The following CCDC148 variants were observed in gnomAD, a reference collection of about 807,000 sequenced individuals.
CCDC148 encodes the protein coiled-coil domain-containing protein 148.
CCDC148 carries 89 observed loss-of-function variants against 85.7 expected under a neutral mutation model. The observed-to-expected ratio is 1.04, with a 90% CI of 0.87 to 1.24. CCDC148 has a LOEUF of 1.24. CCDC148 is among the 50% of genes most tolerant of loss of function. The probability of loss-of-function intolerance (pLI) is 0.00; values close to 1 mark genes in which losing one functional copy is unlikely to be tolerated. For missense variants in CCDC148, 692 were observed against 671.7 expected, an observed-to-expected ratio of 1.03 and a Z score of -0.33; for synonymous variants, 230 against 213.9, an observed-to-expected ratio of 1.08 and a Z score of -0.66.
intron 1 of CCDC148, among the ~76,000 whole-genome samples, chr2:158,382,439 G>C (rs983336793): frequency 5.3e-5 from 8 of 152,080 alleles, no homozygotes; most frequent in African/African-American, 1.9e-4. Context: ...TTCTAGTCCT[G>C]TCCAATGGGA....
At chr2:158,268,389 G>C (rs749043066) in intron 9 of CCDC148, among the ~76,000 whole-genome samples, 32 of 152,000 alleles carry the variant, frequency 2.1e-4, no homozygotes, top group Non-Finnish European at 3.8e-4. Context: ...TTTATTAGCT[G>C]ATAAATCAAA....
intron 11 of CCDC148, among the ~76,000 whole-genome samples, chr2:158,179,357 C>T (rs1684768041): frequency 6.6e-6 from 1 of 151,770 alleles, no homozygotes; most frequent in Non-Finnish European, 1.5e-5. Flanking sequence ...CGGAGTTTCA[C>T]CATGTTGGCC....
chr2:158,297,065 A>G (rs2105195109), intron 9 of CCDC148, among the ~76,000 whole-genome samples: 1 of 152,306 alleles, frequency 6.6e-6, no homozygotes, highest in African/African-American at 2.4e-5. Context: ...ATTCATCACT[A>G]GCACTGATTA....
chr2:158,323,729 C>CT (rs1692625890), intron 7 of CCDC148, among the ~76,000 whole-genome samples: 1 of 152,012 alleles, frequency 6.6e-6, no homozygotes, highest in Non-Finnish European at 1.5e-5. Flanking sequence ...TAAAACAGAG[C>CT]TTTTAAGATG....
chr2:158,275,919 T>C (rs1689920407), intron 9 of CCDC148, among the ~76,000 whole-genome samples: 1 of 152,102 alleles, frequency 6.6e-6, no homozygotes, highest in Non-Finnish European at 1.5e-5. Context: ...TGAACATCTA[T>C]TCACTTTAAA....
chr2:158,325,990 AGTCTGATTTT>A (rs1356997361), intron 7 of CCDC148, among the ~76,000 whole-genome samples: 1 of 152,104 alleles, frequency 6.6e-6, no homozygotes, highest in Non-Finnish European at 1.5e-5. Context: ...GCTAAACATA[AGTCTGATTTT>A]GTCACTCTGC....
At chr2:158,278,730 T>G (rs557497414) in intron 9 of CCDC148, among the ~76,000 whole-genome samples, 1 of 152,362 alleles carries the variant, frequency 6.6e-6, no homozygotes, top group African/African-American at 2.4e-5. Context: ...AGCAGTAACC[T>G]CTGCAGAATT....
chr2:158,290,958 C>T (rs1436253370), intron 9 of CCDC148, among the ~76,000 whole-genome samples: 2 of 152,042 alleles, frequency 1.3e-5, no homozygotes, highest in African/African-American at 4.8e-5. Flanking sequence ...TATCCCTCTA[C>T]TCCTTTATCT....
intron 9 of CCDC148, among the ~76,000 whole-genome samples, chr2:158,273,576 G>A (rs2105164971): frequency 6.6e-6 from 1 of 152,220 alleles, no homozygotes; most frequent in South Asian, 2.1e-4. Flanking sequence ...TGCTCTTACA[G>A]AAGCTCTCTT....
At chr2:158,305,689 G>A (rs761010962) in intron 9 of CCDC148, among the ~76,000 whole-genome samples, 1 of 150,186 alleles carries the variant, frequency 6.7e-6, no homozygotes, top group Non-Finnish European at 1.5e-5. Flanking sequence ...GGGACATCTG[G>A]GCTGCAATGA....
At chr2:158,282,851 A>G (rs930769769) in intron 9 of CCDC148, among the ~76,000 whole-genome samples, 1 of 152,240 alleles carries the variant, frequency 6.6e-6, no homozygotes, top group African/African-American at 2.4e-5. Flanking sequence ...ACAAAGCTGG[A>G]GGCGTCACGC....
intron 7 of CCDC148, among the ~76,000 whole-genome samples, chr2:158,315,317 G>T (rs1403067762): frequency 6.6e-6 from 1 of 152,088 alleles, no homozygotes; most frequent in Non-Finnish European, 1.5e-5. Flanking sequence ...AACATCTCAG[G>T]TCCTCTCTCA....
intron 11 of CCDC148, among the ~76,000 whole-genome samples, chr2:158,197,311 T>G (rs902334078): frequency 9.9e-5 from 15 of 152,076 alleles, no homozygotes; most frequent in Non-Finnish European, 2.9e-5. Flanking sequence ...GAAGCTGAAT[T>G]TGAAGGTAGA....
At chr2:158,244,608 T>C (rs1688493261) in intron 10 of CCDC148, among the ~76,000 whole-genome samples, 1 of 152,124 alleles carries the variant, frequency 6.6e-6, no homozygotes, top group Non-Finnish European at 1.5e-5. Context: ...CTATCAATGG[T>C]GGTCACATCC....
Position 158,402,374 on chromosome 2 carries a change from T to C in CCDC148, c.26-43804A>G, listed in dbSNP as rs561046752. ...TTCCTTATATGATTAAGGAAGTTTG[T>C]GTTGCTTGTTCTTTGTTCGTAATGC... is the stretch of plus-strand genomic sequence containing the variant. On this transcript the variant is annotated intron_variant, in intron 1 of 13. Transcript: ENST00000283233. Among the ~76,000 whole-genome samples, 14 of 151,900 alleles carry C rather than the reference T, an allele frequency of 9.2e-5. No homozygotes were observed. In the East Asian group the frequency reaches 1.4e-3, roughly 15 times the overall value.
At chr2:158,453,835 T>C (rs1419831244) in intron 1 of CCDC148, among the ~76,000 whole-genome samples, 5 of 152,210 alleles carry the variant, frequency 3.3e-5, no homozygotes, top group Non-Finnish European at 7.3e-5. Context: ...TTCTTGAGGG[T>C]GGAGTCACCA....
intron 11 of CCDC148, among the ~76,000 whole-genome samples, chr2:158,205,512 T>C (rs1216491161): frequency 7.1e-6 from 1 of 140,094 alleles, no homozygotes; most frequent in Non-Finnish European, 1.6e-5. Flanking sequence ...CCGGGTGCTT[T>C]ATATACATCA....
chr2:158,326,210 T>C (rs559448827), intron 7 of CCDC148, among the ~76,000 whole-genome samples: 6 of 152,278 alleles, frequency 3.9e-5, no homozygotes, highest in South Asian at 2.1e-4. Context: ...TCAGTAAACA[T>C]TGACTGGAAT....
intron 2 of CCDC148, among the ~76,000 whole-genome samples, chr2:158,351,506 C>A (rs367868559): frequency 6.6e-6 from 1 of 152,024 alleles, no homozygotes; most frequent in Admixed American, 6.5e-5. Context: ...CTGAATACTG[C>A]GCTTTTCCGA....
Sources: gnomAD v4.1 joint callset for allele counts (sites outside exome capture counted in the v4.1 genomes callset) on GRCh38, gnomAD v4.1.1 for gene constraint, MANE v1.5 for transcripts, NCBI Gene and HGNC (gene_info 2026-07-23, HGNC 2026-07-21) for gene names.